The following ZDHHC14 variants were observed in gnomAD, a reference collection of about 807,000 sequenced individuals.
ZDHHC14 encodes the protein palmitoyltransferase ZDHHC14.
Under a neutral mutation model 47.7 loss-of-function variants are expected in ZDHHC14, and 16 were observed. The observed-to-expected ratio is 0.34, with a 90% CI of 0.23 to 0.51. The LOEUF (loss-of-function observed/expected upper bound fraction) is 0.51. Among genes scored for constraint, ZDHHC14 ranks in the 20% least tolerant of loss-of-function variants. The pLI is 0.97. For synonymous variants in ZDHHC14, 293 were observed against 278.9 expected, an observed-to-expected ratio of 1.05 and a Z score of -0.50; for missense variants, 515 against 662.5, an observed-to-expected ratio of 0.78 and a Z score of 2.44.
chr6:157,383,044 TG>T (rs1240078526), intron 1 of ZDHHC14, among the ~76,000 whole-genome samples: 1 of 152,208 alleles, frequency 6.6e-6, no homozygotes, highest in Non-Finnish European at 1.5e-5. Context: ...GGATTATATC[TG>T]GGGGGATAAA....
chr6:157,476,482 GAC>G (rs1387766934), intron 1 of ZDHHC14, among the ~76,000 whole-genome samples: 5 of 152,146 alleles, frequency 3.3e-5, no homozygotes, highest in African/African-American at 9.7e-5. Flanking sequence ...AACATTTAAA[GAC>G]AACCCAATAC....
chr6:157,580,550 CT>C (rs561815184), intron 2 of ZDHHC14, among the ~76,000 whole-genome samples: 122 of 152,216 alleles, frequency 8.0e-4, no homozygotes, highest in African/African-American at 2.9e-3. Flanking sequence ...CTTTTTATTA[CT>C]GCTTAAATTT....
At chr6:157,436,471 G>A (rs1336812766) in intron 1 of ZDHHC14, among the ~76,000 whole-genome samples, 1 of 151,802 alleles carries the variant, frequency 6.6e-6, no homozygotes, top group Non-Finnish European at 1.5e-5. Context: ...GAATCTGGCA[G>A]CAGTAGGATG....
In ZDHHC14 at chr6:157,677,106, G is replaced by GCT. The variant is rs1370964113; in HGVS notation, c.*3984_*3985insCT. ...TTTACATTTTCTATCAAGTACACAT[G>GCT]AGCTGTGGGAGTCTAGCATATTCTT... is the stretch of plus-strand genomic sequence containing the variant. On this transcript the variant is annotated 3_prime_UTR_variant, in exon 9 of 9. Transcript: ENST00000359775. 7.9e-5 allele frequency: 12 copies of GCT among 152,142 alleles called. No homozygotes were observed. The highest frequency in any genetic ancestry group is 2.7e-4 in the African/African-American group (11 of 41,430). 9.4% of individuals were successfully genotyped at this position (152,142 alleles called of 1,614,324 possible). A position where few individuals can be genotyped will look rare whatever the true frequency, so the allele number is the denominator to read the frequency against.
intron 1 of ZDHHC14, among the ~76,000 whole-genome samples, chr6:157,536,888 G>A (rs1321425618): frequency 7.9e-5 from 4 of 50,658 alleles, no homozygotes; most frequent in African/African-American, 2.8e-4. Context: ...GCGGGATCTC[G>A]GCTCACTGCA....
At chr6:157,660,223 A>G (rs1394580193) in intron 8 of ZDHHC14, among the ~76,000 whole-genome samples, 4 of 134,104 alleles carry the variant, frequency 3.0e-5, no homozygotes, top group Non-Finnish European at 6.3e-5. Flanking sequence ...ACGGAGTCTC[A>G]CTCTTTTCGC....
At chr6:157,480,168 A>G (rs962661643) in intron 1 of ZDHHC14, among the ~76,000 whole-genome samples, 1 of 151,642 alleles carries the variant, frequency 6.6e-6, no homozygotes, top group Non-Finnish European at 1.5e-5. Context: ...GGAGTGTTTC[A>G]TCACTGACAT....
At chr6:157,611,269 G>A (rs1298531937) in intron 3 of ZDHHC14, among the ~76,000 whole-genome samples, 3 of 152,134 alleles carry the variant, frequency 2.0e-5, no homozygotes, top group Non-Finnish European at 4.4e-5. Context: ...CAAAGTGCTG[G>A]GATTACAGTC....
intron 3 of ZDHHC14, among the ~76,000 whole-genome samples, 154 bp downstream of exon 3, chr6:157,593,300 C>T (rs1329391901): frequency 6.6e-6 from 1 of 152,178 alleles, no homozygotes; most frequent in African/African-American, 2.4e-5. Context: ...CTAGAGTCAC[C>T]AAATATCTTT....
At chr6:157,521,871 C>G (rs1370872945) in intron 1 of ZDHHC14, among the ~76,000 whole-genome samples, 1 of 152,208 alleles carries the variant, frequency 6.6e-6, no homozygotes, top group East Asian at 1.9e-4. Flanking sequence ...AGGAGCAGCT[C>G]TGACTTCTAG....
chr6:157,660,234 C>T (rs1018360027), intron 8 of ZDHHC14, among the ~76,000 whole-genome samples: 2 of 151,250 alleles, frequency 1.3e-5, no homozygotes, highest in African/African-American at 4.9e-5. Flanking sequence ...CTCTTTTCGC[C>T]CAGGCTGGAG....
intron 1 of ZDHHC14, among the ~76,000 whole-genome samples, chr6:157,394,184 G>C (rs1777477316): frequency 6.6e-6 from 1 of 152,166 alleles, no homozygotes; most frequent in Non-Finnish European, 1.5e-5. Flanking sequence ...CCATCAGGCT[G>C]TACGCCTCCT....
chr6:157,666,297 T>A (rs1464323592), intron 8 of ZDHHC14, among the ~76,000 whole-genome samples: 1 of 152,226 alleles, frequency 6.6e-6, no homozygotes, highest in Admixed American at 6.5e-5. Context: ...TTACTTAACC[T>A]AACATTTTAA....
At chr6:157,445,053 C>A (rs1429627419) in intron 1 of ZDHHC14, among the ~76,000 whole-genome samples, 1 of 150,706 alleles carries the variant, frequency 6.6e-6, no homozygotes, top group African/African-American at 2.4e-5. Flanking sequence ...GGGAAGGGAC[C>A]ACAAGGGAAA....
intron 4 of ZDHHC14, chr6:157,631,351 T>C (rs1185095137): frequency 1.3e-5 from 2 of 152,264 alleles, no homozygotes; most frequent in Non-Finnish European, 2.9e-5. Context: ...ATTAAGAATT[T>C]ACCTGCCTGC....
intron 8 of ZDHHC14, among the ~76,000 whole-genome samples, chr6:157,659,066 T>G (rs1282503017): frequency 6.6e-6 from 1 of 152,254 alleles, no homozygotes; most frequent in Non-Finnish European, 1.5e-5. Flanking sequence ...TTTATCCATT[T>G]CATCTAAGTT....
intron 2 of ZDHHC14, among the ~76,000 whole-genome samples, chr6:157,571,033 A>G (rs1251469625): frequency 6.6e-6 from 1 of 152,232 alleles, no homozygotes; most frequent in Non-Finnish European, 1.5e-5. Context: ...TCAAAGAATC[A>G]TACTCTTTAC....
At chr6:157,453,983 C>A (rs1583659096) in intron 1 of ZDHHC14, among the ~76,000 whole-genome samples, 1 of 152,106 alleles carries the variant, frequency 6.6e-6, no homozygotes, top group African/African-American at 2.4e-5. Context: ...GGGTGTGTAA[C>A]TTAGGTTGAG....
intron 5 of ZDHHC14, among the ~76,000 whole-genome samples, 192 bp from the exon 6 acceptor site, chr6:157,645,545 C>G (rs1285020399): frequency 6.6e-6 from 1 of 152,190 alleles, no homozygotes; most frequent in East Asian, 1.9e-4. Context: ...GGTGACACCC[C>G]CTGCCCTGAC....
Sources: gnomAD v4.1 joint callset for allele counts (sites outside exome capture counted in the v4.1 genomes callset) on GRCh38, gnomAD v4.1.1 for gene constraint, MANE v1.5 for transcripts, NCBI Gene and HGNC (gene_info 2026-07-23, HGNC 2026-07-21) for gene names.